The following TTC7B variants were observed in gnomAD, a reference collection of about 807,000 sequenced individuals.
TTC7B encodes tetratricopeptide repeat domain 7B, also known as tetratricopeptide repeat protein 7B.
In TTC7B, 28 loss-of-function variants were observed where a neutral mutation model predicts 106.8. That is an observed-to-expected ratio of 0.26 (90% CI 0.19 to 0.36). The LOEUF is 0.36. Ranked by LOEUF, TTC7B falls within the 10% of genes least tolerant of loss-of-function variation. The pLI is 1.00. For synonymous variants in TTC7B, 405 were observed against 430.6 expected (o/e 0.94, Z 0.74); for missense variants, 862 against 1,076.4 (o/e 0.80, Z 2.79).
At chr14:90,623,064 C>T (rs552497844) in intron 15 of TTC7B, among the ~76,000 whole-genome samples, 1 of 152,184 alleles carries the variant, frequency 6.6e-6, no homozygotes, top group East Asian at 1.9e-4. Context: ...TTTTAAGCAC[C>T]TACTCATCCT....
intron 15 of TTC7B, among the ~76,000 whole-genome samples, chr14:90,633,287 A>G (rs576533342): frequency 6.6e-6 from 1 of 152,378 alleles, no homozygotes; most frequent in South Asian, 2.1e-4. Context: ...GAGCACATGA[A>G]TAGGAGTGAG....
At position 90,816,231 on chromosome 14, in the gene TTC7B, T is replaced by C; in HGVS notation, c.65A>G (p.Gln22Arg). The C allele has an allele frequency of 7.9e-7, 1 of 1,271,926 alleles. No individual in the cohort carries two copies. Among genetic ancestry groups the C allele is most frequent in the Non-Finnish European group, 1.0e-6 (1 of 977,072 alleles). 78.8% of individuals were successfully genotyped at this position (1,271,926 alleles called of 1,614,324 possible). A position where few individuals can be genotyped will look rare whatever the true frequency, so the allele number is the denominator to read the frequency against. ...GACGAGCTCAGGGATCCGCTCCCAC[T>C]GGCACTCGGAGCGGCAGCGCTCGAT... ...TEIERCRSEC[Q>R]WERIPELVKQ... The change falls in exon 1 of 20, where the codon CAG becomes CGG. Residue 22 changes from glutamine (Q) to arginine (R), a missense_variant. Gln to Arg is a conservative substitution (Grantham distance 43). Transcript: ENST00000328459.
chr14:90,625,314 G>A (rs74961087), intron 15 of TTC7B, among the ~76,000 whole-genome samples: 3,618 of 152,332 alleles, frequency 0.024, 45 homozygotes, highest in Middle Eastern at 0.048. Flanking sequence ...TGCCCAAGGA[G>A]AGGGATGTCA....
intron 1 of TTC7B, 142 bp downstream of exon 1, chr14:90,816,033 C>A: frequency 1.1e-6 from 1 of 943,092 alleles, no homozygotes; most frequent in South Asian, 4.8e-5. Flanking sequence ...GCCCCGGTCC[C>A]GCGCACATCC....
rs1890712459 is a variant in TTC7B at position 90,767,047 on chromosome 14, AAAG to A, written c.445+13688_445+13690del. On this transcript the variant is annotated intron_variant, in intron 3 of 19. Transcript: ENST00000328459. ...ATATACCAAAAAAAAAAAAAAAAAGAAAGAAAGGAAGAAAAGAAATTCTGGGCT... is the reference window on the plus strand; with the variant it reads ...ATATACCAAAAAAAAAAAAAAAAAGAAAAGGAAGAAAAGAAATTCTGGGCT... The A allele has an allele frequency of 4.8e-6, 4 of 829,996 alleles. No homozygotes were observed. The African/African-American group carries it at 7.5e-5, about 16-fold the overall frequency. The allele number at this position is 829,996 out of a possible 1,614,324, so 51.4% of individuals were successfully genotyped here.
chr14:90,780,460 GAAAGAAAGAA>G (rs1891177291), intron 3 of TTC7B, among the ~76,000 whole-genome samples: 3 of 139,626 alleles, frequency 2.1e-5, no homozygotes, highest in South Asian at 2.2e-4. Flanking sequence ...AGAAAAGAAA[GAAAGAAAGAA>G]AAAGAAAGAA....
In TTC7B at chr14:90,816,169, G is replaced by C. The variant is rs756927238; in HGVS notation, c.121+6C>G. ...CGCAGCCCAGGCCGGCGCGCCCGGAGCGTACCGTTGGCGATGAGCTTGGCC... is the reference window on the plus strand; with the variant it reads ...CGCAGCCCAGGCCGGCGCGCCCGGACCGTACCGTTGGCGATGAGCTTGGCC... On this transcript the variant is annotated splice_donor_region_variant and intron_variant, in intron 1 of 19. Transcript: ENST00000328459. The C allele has an allele frequency of 2.4e-6, 3 of 1,240,226 alleles. No individual in the cohort carries two copies. The highest frequency in any genetic ancestry group is 2.7e-5 in the South Asian group (2 of 74,292). The allele number at this position is 1,240,226 out of a possible 1,614,324, so 76.8% of individuals were successfully genotyped here.
intron 17 of TTC7B, among the ~76,000 whole-genome samples, chr14:90,607,525 T>A (rs1892694679): frequency 6.6e-6 from 1 of 152,242 alleles, no homozygotes; most frequent in South Asian, 2.1e-4. Context: ...CATTCTGATC[T>A]CGGATAAGTT....
intron 4 of TTC7B, among the ~76,000 whole-genome samples, chr14:90,740,225 G>A (rs1351892645): frequency 1.3e-4 from 20 of 152,110 alleles, no homozygotes; most frequent in Non-Finnish European, 2.9e-5. Context: ...AGGAACACCT[G>A]GAAAGCTCCT....
chr14:90,792,158 A>T (rs1397171458), intron 1 of TTC7B, among the ~76,000 whole-genome samples: 1 of 152,072 alleles, frequency 6.6e-6, no homozygotes, highest in Non-Finnish European at 1.5e-5. Context: ...AGTTGCAGAG[A>T]GGTGTAAAAA....
intron 4 of TTC7B, among the ~76,000 whole-genome samples, chr14:90,735,438 T>C (rs1055441498): frequency 4.0e-5 from 6 of 151,840 alleles, no homozygotes; most frequent in African/African-American, 1.5e-4. Context: ...GTCCAAGAGC[T>C]TGAGGTTGCA....
intron 5 of TTC7B, among the ~76,000 whole-genome samples, chr14:90,699,949 C>T (rs147130745): frequency 2.6e-5 from 4 of 152,320 alleles, no homozygotes; most frequent in African/African-American, 4.8e-5. Context: ...GCCTCTGAAA[C>T]GGAGCCTGGC....
intron 9 of TTC7B, among the ~76,000 whole-genome samples, chr14:90,674,174 G>A (rs1886736046): frequency 6.6e-6 from 1 of 152,122 alleles, no homozygotes; most frequent in African/African-American, 2.4e-5. Context: ...GGAAAAAAAA[G>A]TGGATTCAGA....
rs915769644 is a variant in TTC7B, at chr14:90,575,846, C to T, written c.2310+2260G>A. On this transcript the variant is annotated intron_variant, in intron 19 of 19. Coordinates refer to ENST00000328459, the MANE Select transcript of TTC7B (RefSeq NM_001010854.2). The surrounding 1 kb of genome is among the most constrained non-coding windows in gnomAD (Gnocchi z 5.2). The stretch of plus-strand genomic sequence containing the variant: ...TGGTTTTTCAATATCTCAGGATCCA[C>T]GGAGAGAGGTTTTAATAGTTTATTA... 9.4e-4 allele frequency among the ~76,000 whole-genome samples: 143 copies of T among 152,266 alleles called. No individual in the cohort carries two copies. Among genetic ancestry groups the T allele is most frequent in the African/African-American group, 3.2e-3 (132 of 41,542 alleles).
intron 19 of TTC7B, among the ~76,000 whole-genome samples, chr14:90,574,608 C>T (rs1891181283): frequency 6.6e-6 from 1 of 152,206 alleles, no homozygotes; most frequent in Non-Finnish European, 1.5e-5. Context: ...ACTAAAGTCA[C>T]TCTTGCTTTT....
intron 3 of TTC7B, among the ~76,000 whole-genome samples, chr14:90,747,069 A>G (rs920863205): frequency 2.0e-5 from 3 of 152,168 alleles, no homozygotes; most frequent in African/African-American, 7.2e-5. Flanking sequence ...TTATGCTAAC[A>G]ATGTTATTAA....
At chr14:90,654,099 A>C (rs1885845890) in intron 12 of TTC7B, among the ~76,000 whole-genome samples, 1 of 152,228 alleles carries the variant, frequency 6.6e-6, no homozygotes, top group Non-Finnish European at 1.5e-5. Flanking sequence ...AATAAATTAC[A>C]ACAAAACCAT....
chr14:90,559,174 C>T (rs1219468684), intron 19 of TTC7B, among the ~76,000 whole-genome samples: 5 of 152,238 alleles, frequency 3.3e-5, no homozygotes, highest in South Asian at 2.1e-4. Flanking sequence ...AGGATCCACC[C>T]GGCCACCTGC....
chr14:90,726,370 T>C (rs139244370), intron 5 of TTC7B, among the ~76,000 whole-genome samples: 39 of 152,274 alleles, frequency 2.6e-4, no homozygotes, highest in African/African-American at 9.1e-4. Context: ...TTGAGCAGCA[T>C]TGCCTTAAGC....
Sources: gnomAD v4.1 joint callset for allele counts (sites outside exome capture counted in the v4.1 genomes callset) on GRCh38, gnomAD v4.1.1 for gene constraint, Gnocchi (gnomAD v3.1) non-coding constraint, MANE v1.5 for transcripts, NCBI Gene and HGNC (gene_info 2026-07-23, HGNC 2026-07-21) for gene names.